Variants in HMBOX1 observed in about 807,000 individuals in gnomAD.
HMBOX1 encodes the protein homeobox-containing protein 1.
A neutral mutation model predicts 54.5 loss-of-function variants in HMBOX1; 14 were observed. The observed-to-expected ratio is 0.26, with a 90% CI of 0.17 to 0.40. The LOEUF is 0.40. HMBOX1 is among the 10% of genes least tolerant of loss of function. The pLI is 1.00. For missense variants in HMBOX1, 332 were observed against 514.4 expected (o/e 0.65, Z 3.43); for synonymous variants, 160 against 181.0 (o/e 0.88, Z 0.93).
chr8:29,016,120 C>T (rs150165280), intron 5 of HMBOX1, among the ~76,000 whole-genome samples: 9 of 152,106 alleles, frequency 5.9e-5, no homozygotes, highest in African/African-American at 2.2e-4. Context: ...ATATTCAAGC[C>T]CATTGGCCAT....
chr8:29,015,387 G>A (rs1187051677), intron 5 of HMBOX1, among the ~76,000 whole-genome samples: 1 of 152,174 alleles, frequency 6.6e-6, no homozygotes, highest in Non-Finnish European at 1.5e-5. Flanking sequence ...TGGACAAGAG[G>A]TTGTATTCCC....
chr8:28,897,480 G>A (rs1471964565), intron 1 of HMBOX1, among the ~76,000 whole-genome samples: 4 of 152,074 alleles, frequency 2.6e-5, no homozygotes, highest in Non-Finnish European at 5.9e-5. Flanking sequence ...TTCAAGACCA[G>A]CCTGACCAAC....
At chr8:28,961,720 G>T (rs1227941120) in intron 1 of HMBOX1, among the ~76,000 whole-genome samples, 1 of 151,936 alleles carries the variant, frequency 6.6e-6, no homozygotes, top group African/African-American at 2.4e-5. Context: ...TGGATCATAT[G>T]GTAATTCTGT....
chr8:28,960,782 T>TGG (rs1825423552), intron 1 of HMBOX1, among the ~76,000 whole-genome samples: 7 of 62,174 alleles, frequency 1.1e-4, no homozygotes, highest in Non-Finnish European at 2.4e-4. Flanking sequence ...TTTTTTTTTT[T>TGG]TTTTTTTTTT....
At chr8:28,943,030 T>C (rs1821733353) in intron 1 of HMBOX1, among the ~76,000 whole-genome samples, 1 of 152,214 alleles carries the variant, frequency 6.6e-6, no homozygotes, top group South Asian at 2.1e-4. Flanking sequence ...TGTGAACCGC[T>C]TCTTCACCAT....
intron 2 of HMBOX1, among the ~76,000 whole-genome samples, chr8:28,968,833 G>C (rs938818607): frequency 3.3e-5 from 5 of 152,114 alleles, no homozygotes; most frequent in Non-Finnish European, 7.4e-5. Flanking sequence ...AAATAGAAGA[G>C]ATTACAACTT....
At chr8:28,942,726 A>G (rs1821678042) in intron 1 of HMBOX1, among the ~76,000 whole-genome samples, 1 of 152,050 alleles carries the variant, frequency 6.6e-6, no homozygotes, top group Non-Finnish European at 1.5e-5. Flanking sequence ...GTTGCATTGT[A>G]TGGCTATACT....
chr8:28,971,234 A>C (rs990868378), intron 3 of HMBOX1, among the ~76,000 whole-genome samples: 1 of 151,800 alleles, frequency 6.6e-6, no homozygotes, highest in African/African-American at 2.4e-5. Flanking sequence ...CTGGGGTTAC[A>C]GGCATGCACC....
chr8:29,044,965 ACT>A (rs1231249792), intron 6 of HMBOX1, among the ~76,000 whole-genome samples: 1 of 152,202 alleles, frequency 6.6e-6, no homozygotes, highest in Non-Finnish European at 1.5e-5. Context: ...AAATAATATA[ACT>A]CTGTGACTTG....
At chr8:29,049,634 T>G (rs1806142494) in intron 9 of HMBOX1, 3 of 427,288 alleles carry the variant, frequency 7.0e-6, no homozygotes, top group African/African-American at 3.9e-5. Context: ...CCTGATTTAT[T>G]CTGCATTGCT....
rs374259114 is a variant in HMBOX1, at chr8:28,897,162, T to C, written c.-58+6484T>C. On this transcript the variant is annotated intron_variant, in intron 1 of 9. Coordinates refer to ENST00000287701, the MANE Select transcript of HMBOX1 (RefSeq NM_001135726.3). Reference sequence around the variant, plus strand: ...CACCATGCCCGGCTAATTTTGTAGTTTTAATAGAGACGGGGTTTCTCCATG... The same window carrying C: ...CACCATGCCCGGCTAATTTTGTAGTCTTAATAGAGACGGGGTTTCTCCATG... Among the ~76,000 whole-genome samples the C allele has an allele frequency of 3.9e-5, 6 of 152,116 alleles. No individual in the cohort carries two copies. The East Asian group carries it at 9.7e-4, about 25-fold the overall frequency.
chr8:28,919,626 T>C (rs1267593675), intron 1 of HMBOX1, among the ~76,000 whole-genome samples: 1 of 152,184 alleles, frequency 6.6e-6, no homozygotes, highest in East Asian at 1.9e-4. Context: ...CTCATGGATA[T>C]GGAGGGCCAA....
intron 5 of HMBOX1, chr8:29,009,519 A>ATC: frequency 1.6e-6 from 1 of 622,818 alleles, no homozygotes; most frequent in Non-Finnish European, 1.9e-6. Context: ...AAGATTCCGT[A>ATC]TCTCTTTTTT....
chr8:29,008,997 C>G, intron 4 of HMBOX1, 75 bp from the exon 5 acceptor site: 2 of 1,197,324 alleles, frequency 1.7e-6, no homozygotes, highest in South Asian at 1.3e-5. Context: ...ACCCAGTAAC[C>G]TAGAACCAAA....
intron 4 of HMBOX1, among the ~76,000 whole-genome samples, chr8:29,002,430 C>G (rs1408313138): frequency 6.6e-6 from 1 of 152,160 alleles, no homozygotes; most frequent in Non-Finnish European, 1.5e-5. Flanking sequence ...CAGAGCAACC[C>G]TGATGCAGTG....
chr8:28,900,271 A>ATATATACATATAT (rs1554519262), intron 1 of HMBOX1, among the ~76,000 whole-genome samples: 1 of 70,334 alleles, frequency 1.4e-5, no homozygotes, highest in African/African-American at 4.6e-5. Context: ...AAAAAAAAAA[A>ATATATACATATAT]ATATATATAT....
At chr8:29,010,128 A>G (rs1230147864) in intron 5 of HMBOX1, 1 of 979,762 alleles carries the variant, frequency 1.0e-6, no homozygotes, top group Non-Finnish European at 1.2e-6. Context: ...ATGAAACAGA[A>G]AAGAACCTAT....
chr8:29,042,022 A>G (rs1804900407), intron 6 of HMBOX1, among the ~76,000 whole-genome samples: 2 of 152,190 alleles, frequency 1.3e-5, no homozygotes, highest in Admixed American at 6.5e-5. Flanking sequence ...CGTAGGTCTT[A>G]GCAACTACTG....
intron 1 of HMBOX1, among the ~76,000 whole-genome samples, chr8:28,954,171 T>A (rs568318680): frequency 6.6e-6 from 1 of 152,270 alleles, no homozygotes; most frequent in East Asian, 1.9e-4. Flanking sequence ...CAATAATGTC[T>A]AATTTATGGG....
Sources: gnomAD v4.1 joint callset for allele counts (sites outside exome capture counted in the v4.1 genomes callset) on GRCh38, gnomAD v4.1.1 for gene constraint, MANE v1.5 for transcripts, NCBI Gene and HGNC (gene_info 2026-07-23, HGNC 2026-07-21) for gene names.